The following SHQ1 variants were observed in gnomAD, a reference collection of about 807,000 sequenced individuals.
SHQ1 encodes the protein protein SHQ1 homolog.
SHQ1 carries 49 observed loss-of-function variants against 53.8 expected under a neutral mutation model. The ratio of observed to expected loss-of-function variants is 0.91; its 90% confidence interval spans 0.72 to 1.16. SHQ1 has a LOEUF of 1.16. Ranked by LOEUF, SHQ1 falls within the 50% of genes most tolerant of loss-of-function variation. SHQ1 has a pLI of 0.00. For synonymous variants in SHQ1, 243 were observed against 251.0 expected (o/e 0.97, Z 0.30); for missense variants, 738 against 683.1 (o/e 1.08, Z -0.90).
rs945735028 is a variant in SHQ1, at chr3:72,758,576, T to C, written c.1182-7740A>G. Among the ~76,000 whole-genome samples the C allele has an allele frequency of 6.1e-5, 9 of 147,786 alleles. No homozygotes were observed. The East Asian group carries it at 1.4e-3, about 22-fold the overall frequency. On this transcript the variant is annotated intron_variant, in intron 10 of 10. Transcript: ENST00000325599. Reference sequence around the variant, plus strand: ...GAGGCTACTATTTTTTCTTTTTTTTTTTTTTTTTTCCGAGATGGAGTCTCA... The same window carrying C: ...GAGGCTACTATTTTTTCTTTTTTTTCTTTTTTTTTCCGAGATGGAGTCTCA...
At chr3:72,817,460 T>C in intron 6 of SHQ1, 76 bp from the exon 7 acceptor site, 2 of 1,362,206 alleles carry the variant, frequency 1.5e-6, no homozygotes, top group Non-Finnish European at 2.0e-6. Flanking sequence ...TTGTCAAAAT[T>C]AGAACTTTGA....
rs535333999 is a variant in SHQ1 at position 72,749,808 on chromosome 3, A to C, written c.*476T>G. The C allele has an allele frequency of 3.6e-5, 8 of 222,802 alleles. No individual in the cohort carries two copies. The South Asian group carries it at 1.3e-3, about 36-fold the overall frequency. 13.8% of individuals were successfully genotyped at this position (222,802 alleles called of 1,614,324 possible). A position where few individuals can be genotyped will look rare whatever the true frequency, so the allele number is the denominator to read the frequency against. Reference sequence around the variant, plus strand: ...TTTATCTTCACAGTCGCGGCAAGGAAAACAAAAGGTATAAACATTCATTGG... The same window carrying C: ...TTTATCTTCACAGTCGCGGCAAGGACAACAAAAGGTATAAACATTCATTGG... On this transcript the variant is annotated 3_prime_UTR_variant, in exon 11 of 11. Transcript: ENST00000325599.
chr3:72,764,840 C>G (rs1291289902), intron 10 of SHQ1, among the ~76,000 whole-genome samples: 2 of 152,160 alleles, frequency 1.3e-5, no homozygotes, highest in Non-Finnish European at 2.9e-5. Context: ...ACTTTTCATT[C>G]ACTCTCAATA....
chr3:72,804,959 C>T (rs1253374258), intron 9 of SHQ1, among the ~76,000 whole-genome samples: 1 of 152,194 alleles, frequency 6.6e-6, no homozygotes, highest in South Asian at 2.1e-4. Context: ...GTAATTCTGT[C>T]ATGTGAACGT....
At chr3:72,740,562 G>C in the SHQ1 span, among the ~76,000 whole-genome samples, 2 of 152,170 alleles carry the variant, frequency 1.3e-5, no homozygotes, top group Non-Finnish European at 2.9e-5. Flanking sequence ...CAGGTGTCCT[G>C]TTACGTATAA....
At chr3:72,829,260 G>C (rs1707758737) in intron 5 of SHQ1, among the ~76,000 whole-genome samples, 1 of 152,158 alleles carries the variant, frequency 6.6e-6, no homozygotes, top group African/African-American at 2.4e-5. Flanking sequence ...TCAAGTCAGT[G>C]GGATGCCTAG....
intron 10 of SHQ1, among the ~76,000 whole-genome samples, chr3:72,764,196 C>G (rs946772860): frequency 1.1e-4 from 16 of 152,114 alleles, no homozygotes; most frequent in African/African-American, 3.6e-4. Flanking sequence ...ACATACCACA[C>G]TAGGCAGAAC....
chr3:72,843,843 G>C (rs925171329), intron 2 of SHQ1, among the ~76,000 whole-genome samples: 10 of 151,752 alleles, frequency 6.6e-5, no homozygotes, highest in African/African-American at 2.2e-4. Context: ...CGATGACAAA[G>C]GAAGCCAGTG....
intron 4 of SHQ1, among the ~76,000 whole-genome samples, chr3:72,837,089 T>C (rs1303293729): frequency 6.6e-6 from 1 of 152,094 alleles, no homozygotes; most frequent in Admixed American, 6.5e-5. Flanking sequence ...GCCCAGAGAC[T>C]CTAGGATTGT....
At chr3:72,845,238 C>A (rs990830566) in intron 1 of SHQ1, among the ~76,000 whole-genome samples, 1 of 152,160 alleles carries the variant, frequency 6.6e-6, no homozygotes, top group African/African-American at 2.4e-5. Flanking sequence ...AATCCTAGCA[C>A]TTTGGGAGGC....
At chr3:72,737,848 G>C in the SHQ1 span, among the ~76,000 whole-genome samples, 2 of 152,236 alleles carry the variant, frequency 1.3e-5, no homozygotes, top group African/African-American at 4.8e-5. Context: ...TGTATTGGCT[G>C]TGCCTTACAA....
In SHQ1 at chr3:72,817,255, GT is replaced by G; in HGVS notation, c.856del (p.Thr286ProfsTer19). 1 of 1,613,354 alleles carries G rather than the reference GT, an allele frequency of 6.2e-7. No individual in the cohort carries two copies. The highest frequency in any genetic ancestry group is 8.5e-7 in the Non-Finnish European group (1 of 1,179,594). The part of the protein sequence containing the change: ...IDILLAYCYE[T>X]RVTEGEKNVE... ...ATTCTTCTCTCCTTCAGTGACACGG[GT>G]TTCATAGCAATATGCCAGAAGGATA... On this transcript the variant is annotated frameshift_variant, in exon 7 of 11. Coordinates refer to ENST00000325599, the MANE Select transcript of SHQ1 (RefSeq NM_018130.3). LOFTEE classifies it high-confidence loss of function.
chr3:72,751,254 T>C (rs1164445838), intron 10 of SHQ1, among the ~76,000 whole-genome samples: 2 of 151,612 alleles, frequency 1.3e-5, no homozygotes, highest in African/African-American at 4.9e-5. Flanking sequence ...CTACTAAAAA[T>C]ACAAAAAATT....
At chr3:72,831,939 G>A (rs143075095) in intron 5 of SHQ1, among the ~76,000 whole-genome samples, 1 of 152,332 alleles carries the variant, frequency 6.6e-6, no homozygotes, top group African/African-American at 2.4e-5. Flanking sequence ...GCTAGTGGAT[G>A]AAAGTTATTA....
Position 72,817,391 on chromosome 3 carries a change from G to A in SHQ1, c.728-7C>T, listed in dbSNP as rs752676717. 6.3e-7 allele frequency: 1 copy of A among 1,597,030 alleles called. No homozygotes were observed. The highest frequency in any genetic ancestry group is 1.1e-5 in the South Asian group (1 of 88,662). On this transcript the variant is annotated splice_polypyrimidine_tract_variant and splice_region_variant and intron_variant, in intron 6 of 10. Transcript: ENST00000325599. ...TCTTCTTCAGAAAAAGACACTAGAA[G>A]AAAACGCATTTAAAAACTAGATGTT...
chr3:72,732,175 G>A, the SHQ1 span, among the ~76,000 whole-genome samples: 3 of 151,528 alleles, frequency 2.0e-5, no homozygotes, highest in Admixed American at 1.3e-4. Flanking sequence ...AAGGCTCAGG[G>A]CAGCCATGTC....
intron 10 of SHQ1, among the ~76,000 whole-genome samples, chr3:72,766,441 C>G (rs759554568): frequency 8.5e-5 from 13 of 152,182 alleles, no homozygotes; most frequent in Non-Finnish European, 1.6e-4. Context: ...GAGCCCGACC[C>G]TGAACCTAAG....
chr3:72,751,500 G>GTACATATATATATATATA (rs1411876975), intron 10 of SHQ1, among the ~76,000 whole-genome samples: 1 of 119,596 alleles, frequency 8.4e-6, no homozygotes, highest in African/African-American at 4.1e-5. Flanking sequence ...GTGTGTGTGT[G>GTACATATATATATATATA]TGTGTGTGTA....
chr3:72,787,695 T>C (rs180794630), intron 10 of SHQ1, among the ~76,000 whole-genome samples: 4 of 152,210 alleles, frequency 2.6e-5, no homozygotes, highest in East Asian at 1.9e-4. Flanking sequence ...TAAAAATGCA[T>C]TGGGGCTCTC....
Sources: allele counts gnomAD v4.1 joint callset (sites outside exome capture counted in the v4.1 genomes callset), GRCh38; gene constraint gnomAD v4.1.1; transcripts MANE v1.5; gene names NCBI Gene and HGNC (gene_info 2026-07-23, HGNC 2026-07-21).